TEX11: variants seen among roughly 807,000 people sequenced by gnomAD.
TEX11 encodes the protein testis-expressed protein 11.
TEX11 carries 7 observed loss-of-function variants against 84.4 expected under a neutral mutation model. The observed-to-expected ratio is 0.08, with a 90% CI of 0.05 to 0.16. TEX11 has a LOEUF of 0.16. Ranked by LOEUF, TEX11 falls within the 10% of genes least tolerant of loss-of-function variation. The probability of loss-of-function intolerance (pLI) is 1.00; values close to 1 mark genes in which losing one functional copy is unlikely to be tolerated. For synonymous variants in TEX11, 264 were observed against 222.8 expected, an observed-to-expected ratio of 1.18 and a Z score of -1.64; for missense variants, 551 against 660.5, an observed-to-expected ratio of 0.83 and a Z score of 1.82.
intron 25 of TEX11, among the ~76,000 whole-genome samples, chrX:70,573,199 T>A (rs992982456): frequency 9.0e-6 from 1 of 110,977 alleles, no homozygotes. Flanking sequence ...GAACCCCTAC[T>A]ATATTTCTTC....
chrX:70,853,734 A>T (rs1348945094), intron 5 of TEX11, among the ~76,000 whole-genome samples: 1 of 112,294 alleles, frequency 8.9e-6, no homozygotes, highest in East Asian at 2.8e-4. Context: ...AATCCAACAA[A>T]TGTTTATTAA....
intron 24 of TEX11, among the ~76,000 whole-genome samples, chrX:70,603,397 C>T (rs1235821134): frequency 2.4e-4 from 24 of 102,008 alleles, no homozygotes; most frequent in African/African-American, 4.6e-4. Context: ...GAAATAACGC[C>T]GCATATCTAC....
chrX:70,744,760 G>T (rs1387822627), intron 9 of TEX11, among the ~76,000 whole-genome samples: 2 of 109,935 alleles, frequency 1.8e-5, no homozygotes, highest in African/African-American at 6.6e-5. Context: ...ACCCAGGCTG[G>T]AGTGCAGTGG....
intron 4 of TEX11, among the ~76,000 whole-genome samples, chrX:70,863,023 G>C (rs976218670): frequency 9.0e-6 from 1 of 111,192 alleles, no homozygotes; most frequent in Non-Finnish European, 1.9e-5. Context: ...TCACTGGGCA[G>C]GGCATCTCTG....
intron 25 of TEX11, among the ~76,000 whole-genome samples, chrX:70,576,648 A>AAT (rs2088677714): frequency 8.9e-6 from 1 of 112,376 alleles, no homozygotes; most frequent in Non-Finnish European, 1.9e-5. Flanking sequence ...ATTTTATAAG[A>AAT]ATATATATAT....
intron 9 of TEX11, among the ~76,000 whole-genome samples, chrX:70,760,384 C>A (rs765676681): frequency 1.8e-5 from 2 of 111,662 alleles, no homozygotes; most frequent in East Asian, 5.6e-4. Context: ...CCACAATAAC[C>A]AAAACAGCAT....
chrX:70,541,860 A>G (rs2088049663), intron 28 of TEX11, among the ~76,000 whole-genome samples: 1 of 112,550 alleles, frequency 8.9e-6, no homozygotes, highest in African/African-American at 3.2e-5. Flanking sequence ...TTTGATTTAA[A>G]AAAACTTGAA....
intron 28 of TEX11, among the ~76,000 whole-genome samples, chrX:70,534,090 C>CAAAA (rs1168310559): frequency 4.6e-5 from 1 of 21,730 alleles, no homozygotes; most frequent in Non-Finnish European, 7.2e-5. Context: ...GACTCCATCT[C>CAAAA]AAAAAAAAAA....
intron 25 of TEX11, among the ~76,000 whole-genome samples, chrX:70,572,300 G>C (rs1347622444): frequency 1.8e-5 from 2 of 111,660 alleles, no homozygotes; most frequent in Admixed American, 9.5e-5. Flanking sequence ...ACCACAATGA[G>C]ATACCATCTC....
intron 9 of TEX11, among the ~76,000 whole-genome samples, chrX:70,755,672 A>G (rs1170494291): frequency 4.5e-5 from 5 of 112,089 alleles, no homozygotes; most frequent in Non-Finnish European, 9.4e-5. Flanking sequence ...GCTCCCAGCA[A>G]GATTGATGCA....
intron 15 of TEX11, chrX:70,672,808 A>T (rs747884294): frequency 4.5e-5 from 5 of 110,620 alleles, no homozygotes; most frequent in Non-Finnish European, 9.5e-5. Context: ...ATTCAACAGG[A>T]TCTCTTTTTT....
At chrX:70,545,459 C>T (rs557679412) in intron 28 of TEX11, among the ~76,000 whole-genome samples, 3 of 111,747 alleles carry the variant, frequency 2.7e-5, no homozygotes, top group African/African-American at 9.7e-5. Context: ...ACCTCCACAT[C>T]TTGTCCTGCT....
rs1274452036 is a variant in TEX11 at position 70,777,415 on chromosome X, G to A, written c.692+29290C>T. Among the ~76,000 whole-genome samples, 4 of 111,247 alleles carry A rather than the reference G, an allele frequency of 3.6e-5. No homozygotes were observed. In the East Asian group the frequency reaches 1.1e-3, roughly 32 times the overall value. On this transcript the variant is annotated intron_variant, in intron 9 of 29. Transcript: ENST00000374333. The stretch of plus-strand genomic sequence containing the variant: ...TGTAATCCCAGCACTTTGGGAGGCC[G>A]AGGCAGGCAGATCACCTGAGGTCAG...
intron 9 of TEX11, among the ~76,000 whole-genome samples, chrX:70,775,295 C>T (rs1288044687): frequency 9.0e-6 from 1 of 111,209 alleles, no homozygotes; most frequent in Non-Finnish European, 1.9e-5. Flanking sequence ...GATGATATGG[C>T]TACAACCTCA....
rs753363422 is a variant in TEX11 at position 70,862,253 on chromosome X, AG to A, written c.245-1318del. On this transcript the variant is annotated intron_variant, in intron 4 of 29. Coordinates refer to ENST00000374333, the MANE Select transcript of TEX11 (RefSeq NM_031276.3). ...TATATAACTCATTTTCCCTGAAAAT[AG>A]GGAAGTTTGAATAATTATAACCTCT... Among the ~76,000 whole-genome samples the A allele has an allele frequency of 5.3e-5, 6 of 112,348 alleles. No homozygotes were observed. The South Asian group carries it at 2.2e-3, about 42-fold the overall frequency.
intron 9 of TEX11, among the ~76,000 whole-genome samples, chrX:70,767,804 G>C (rs1306376758): frequency 2.7e-5 from 3 of 111,847 alleles, no homozygotes; most frequent in Non-Finnish European, 5.6e-5. Context: ...AAAAAAGAGT[G>C]AGATTCTGTC....
intron 25 of TEX11, among the ~76,000 whole-genome samples, chrX:70,567,761 T>A (rs930944274): frequency 4.5e-5 from 5 of 112,115 alleles, no homozygotes; most frequent in African/African-American, 1.6e-4. Flanking sequence ...TGCACTGTGA[T>A]CTGAGAGACA....
chrX:70,641,429 C>A (rs2089656648), intron 17 of TEX11, among the ~76,000 whole-genome samples: 2 of 110,878 alleles, frequency 1.8e-5, no homozygotes, highest in South Asian at 7.9e-4. Flanking sequence ...TAATAGACGT[C>A]TACAGAACTC....
intron 25 of TEX11, among the ~76,000 whole-genome samples, chrX:70,555,530 C>G (rs2088275275): frequency 8.9e-6 from 1 of 112,065 alleles, no homozygotes; most frequent in Admixed American, 9.5e-5. Flanking sequence ...CAGAAGGTTC[C>G]TTTGTGCTCC....
Sources: gnomAD v4.1 joint callset for allele counts (sites outside exome capture counted in the v4.1 genomes callset) on GRCh38, gnomAD v4.1.1 for gene constraint, MANE v1.5 for transcripts, NCBI Gene and HGNC (gene_info 2026-07-23, HGNC 2026-07-21) for gene names.